Variants in RTN4 observed in about 807,000 individuals in gnomAD.
RTN4 encodes the protein reticulon-4.
RTN4 carries 32 observed loss-of-function variants against 90.4 expected under a neutral mutation model. That is an observed-to-expected ratio of 0.35 (90% CI 0.27 to 0.48). The LOEUF is 0.48. Ranked by LOEUF, RTN4 falls within the 20% of genes least tolerant of loss-of-function variation. The pLI is 0.99. For synonymous variants in RTN4, 629 were observed against 552.5 expected (o/e 1.14, Z -1.94); for missense variants, 1,706 against 1,430.2 (o/e 1.19, Z -3.11).
At chr2:55,065,611 C>T (rs1223501807) in intron 2 of RTN4, among the ~76,000 whole-genome samples, 3 of 152,076 alleles carry the variant, frequency 2.0e-5, no homozygotes, top group Non-Finnish European at 4.4e-5. Flanking sequence ...CCACTACACA[C>T]GCTAATATAA....
intron 3 of RTN4, among the ~76,000 whole-genome samples, chr2:55,019,937 G>A (rs1317200616): frequency 6.6e-6 from 1 of 151,686 alleles, no homozygotes; most frequent in Non-Finnish European, 1.5e-5. Context: ...AAATCAAGTA[G>A]GAAACTCCAT....
chr2:55,111,562 C>T (rs1668038391), intron 1 of RTN4, among the ~76,000 whole-genome samples: 1 of 152,154 alleles, frequency 6.6e-6, no homozygotes, highest in African/African-American at 2.4e-5. Flanking sequence ...TCCAGGCCCA[C>T]GAAAGTGGCT....
intron 3 of RTN4, chr2:55,014,310 C>A (rs1018067999): frequency 1.3e-5 from 2 of 152,054 alleles, no homozygotes; most frequent in Non-Finnish European, 2.9e-5. Context: ...AATTCATAAA[C>A]TGAAAGTGAC....
chr2:55,093,172 T>C (rs184579939), intron 1 of RTN4, among the ~76,000 whole-genome samples: 1 of 152,276 alleles, frequency 6.6e-6, no homozygotes, highest in African/African-American at 2.4e-5. Context: ...AGCTCTTTAA[T>C]GAAGAAATGT....
chr2:54,974,024 G>A, intron 6 of RTN4, 157 bp from the exon 7 acceptor site: 5 of 608,434 alleles, frequency 8.2e-6, no homozygotes, highest in Non-Finnish European at 1.4e-5. Flanking sequence ...TGCTGTTGAG[G>A]AGCCACTCCA....
intron 8 of RTN4, 139 bp from the exon 9 acceptor site, chr2:54,973,337 T>C (rs566262538): frequency 2.2e-6 from 2 of 893,170 alleles, no homozygotes; most frequent in African/African-American, 1.7e-5. Flanking sequence ...AGCTATAATT[T>C]TGCCACCTTG....
intron 3 of RTN4, among the ~76,000 whole-genome samples, chr2:54,989,780 T>C (rs1008041186): frequency 1.3e-5 from 2 of 152,226 alleles, no homozygotes; most frequent in Non-Finnish European, 2.9e-5. Flanking sequence ...TGTGAAATAC[T>C]GTAAATGGAA....
At chr2:55,125,887 C>T in the RTN4 span, among the ~76,000 whole-genome samples, 1 of 150,704 alleles carries the variant, frequency 6.6e-6, no homozygotes, top group African/African-American at 2.4e-5. Context: ...CAGTGAAACC[C>T]CATCTCTAAT....
intron 1 of RTN4, among the ~76,000 whole-genome samples, chr2:55,109,426 T>A (rs1667997462): frequency 1.3e-5 from 2 of 152,140 alleles, no homozygotes; most frequent in African/African-American, 4.8e-5. Context: ...AGCAAATACC[T>A]CATACTCCTT....
chr2:55,017,626 T>TGA (rs1681138998), intron 3 of RTN4, among the ~76,000 whole-genome samples: 1 of 152,192 alleles, frequency 6.6e-6, no homozygotes, highest in Non-Finnish European at 1.5e-5. Context: ...TATTAAGTTA[T>TGA]CATTAAGTCA....
chr2:55,136,200 G>A, the RTN4 span, among the ~76,000 whole-genome samples: 17 of 152,024 alleles, frequency 1.1e-4, no homozygotes, highest in African/African-American at 2.4e-4. Context: ...GAAGCAACAG[G>A]GCAAAGTTTC....
At chr2:55,003,786 C>T (rs1302904320) in intron 3 of RTN4, among the ~76,000 whole-genome samples, 1 of 152,154 alleles carries the variant, frequency 6.6e-6, no homozygotes, top group African/African-American at 2.4e-5. Context: ...AATATAACAA[C>T]TACCTACATT....
intron 6 of RTN4, 180 bp from the exon 7 acceptor site, chr2:54,974,047 A>G (rs1573254259): frequency 8.9e-6 from 5 of 564,226 alleles, no homozygotes; most frequent in Non-Finnish European, 1.6e-5. Context: ...GGAATGAATG[A>G]ACTGTGTGAG....
Position 55,000,011 on chromosome 2 carries a change from T to C in RTN4, c.3014-12313A>G, listed in dbSNP as rs964115588. ...ATCTCTGTTTCCCTGTGTGTAAAAT[T>C]AGAAAAATAATACCCACCCCTAAGA... On this transcript the variant is annotated intron_variant, in intron 3 of 8. Transcript: ENST00000337526. 3.9e-5 allele frequency among the ~76,000 whole-genome samples: 6 copies of C among 152,112 alleles called. No homozygotes were observed. The South Asian group carries it at 1.2e-3, about 32-fold the overall frequency.
intron 2 of RTN4, among the ~76,000 whole-genome samples, chr2:55,078,273 C>G (rs532741585): frequency 8.5e-5 from 13 of 152,168 alleles, no homozygotes; most frequent in African/African-American, 3.1e-4. Context: ...GAGGCTTGCT[C>G]TGCTGCCCAG....
At position 55,018,175 on chromosome 2, in the gene RTN4, T is replaced by C. The variant is rs143999405; in HGVS notation, c.3013+6911A>G. 5.6e-3 allele frequency among the ~76,000 whole-genome samples: 846 copies of C among 152,358 alleles called. 3 individuals are homozygous for C. Among genetic ancestry groups the C allele is most frequent in the South Asian group, 0.024 (117 of 4,830 alleles). On this transcript the variant is annotated intron_variant, in intron 3 of 8. Transcript: ENST00000337526. ...AATGGTTCCTTCTTTCAGATTATGG[T>C]GAAGACCTAAATGAAACAAATATGT...
intron 1 of RTN4, among the ~76,000 whole-genome samples, chr2:55,105,887 A>T (rs1236788376): frequency 2.6e-5 from 4 of 152,088 alleles, no homozygotes; most frequent in African/African-American, 9.7e-5. Context: ...GGCTGAGGCC[A>T]GAGGATCGCT....
At chr2:55,066,570 T>C (rs1029204945) in intron 2 of RTN4, among the ~76,000 whole-genome samples, 1 of 152,008 alleles carries the variant, frequency 6.6e-6, no homozygotes, top group African/African-American at 2.4e-5. Flanking sequence ...TGCAGGCACC[T>C]GTAATCCCAG....
chr2:55,112,950 G>C (rs997567259), upstream of RTN4, among the ~76,000 whole-genome samples: 1 of 152,162 alleles, frequency 6.6e-6, no homozygotes, highest in Non-Finnish European at 1.5e-5. Context: ...TGGAAAAATT[G>C]CTCTCTAGAC....
Sources: gnomAD v4.1 joint callset for allele counts (sites outside exome capture counted in the v4.1 genomes callset) on GRCh38, gnomAD v4.1.1 for gene constraint, MANE v1.5 for transcripts, NCBI Gene and HGNC (gene_info 2026-07-23, HGNC 2026-07-21) for gene names.